Variants in KCNQ1 observed in about 807,000 individuals in gnomAD.
KCNQ1 encodes potassium voltage-gated channel subfamily Q member 1.
In KCNQ1, 49 loss-of-function variants were observed where a neutral mutation model predicts 72.4. That is an observed-to-expected ratio of 0.68 (90% CI 0.54 to 0.86). KCNQ1 has a LOEUF of 0.86. Among genes scored for constraint, KCNQ1 ranks in the 40% least tolerant of loss-of-function variants. The pLI, the probability that KCNQ1 is intolerant of heterozygous loss-of-function variation, is 0.00. For synonymous variants in KCNQ1, 450 were observed against 412.6 expected (o/e 1.09, Z -1.10); for missense variants, 790 against 945.1 (o/e 0.84, Z 2.15).
chr11:2,573,067 G>C (rs1208391616), intron 6 of KCNQ1, 81 bp downstream of exon 6: 3 of 1,514,982 alleles, frequency 2.0e-6, no homozygotes, highest in Admixed American at 1.9e-5. Flanking sequence ...CTGGTGTCTT[G>C]AGACTTCGGG....
At chr11:2,838,851 G>C (rs1001909450) in intron 15 of KCNQ1, among the ~76,000 whole-genome samples, 2 of 152,182 alleles carry the variant, frequency 1.3e-5, no homozygotes, top group African/African-American at 4.8e-5. Context: ...TCGCCAGAGG[G>C]GGCAGCTCAG....
Position 2,468,497 on chromosome 11 carries a change from C to T in KCNQ1, c.386+23013C>T, listed in dbSNP as rs1013555151. ...TACGGTAAACTGCCCCAGTTTAAAG[C>T]AGACAGTTCCATGAGTCCTGACATT... On this transcript the variant is annotated intron_variant, in intron 1 of 15. Coordinates refer to ENST00000155840, the MANE Select transcript of KCNQ1 (RefSeq NM_000218.3). This position sits in a 1 kb window ranked among gnomAD's most constrained non-coding sequence, Gnocchi z 5.7. Among the ~76,000 whole-genome samples the T allele has an allele frequency of 8.5e-5, 13 of 152,138 alleles. No individual in the cohort carries two copies. The highest frequency in any genetic ancestry group is 1.5e-5 in the Non-Finnish European group (1 of 68,026).
In KCNQ1 at chr11:2,735,805, G is replaced by C. The variant is rs1845946808; in HGVS notation, c.1515-33039G>C. On this transcript the variant is annotated intron_variant, in intron 11 of 15. Transcript: ENST00000155840. The surrounding 1 kb of genome is among the most constrained non-coding windows in gnomAD (Gnocchi z 7.7). ...TGTTCTCATGGGGCCATCCCTCTGT[G>C]TGTGCCCGAGTCACCTTCTCCTCTC... is the stretch of plus-strand genomic sequence containing the variant. Among the ~76,000 whole-genome samples the C allele has an allele frequency of 6.6e-6, 1 of 152,178 alleles. No individual in the cohort carries two copies. The highest frequency in any genetic ancestry group is 1.5e-5 in the Non-Finnish European group (1 of 68,038).
chr11:2,733,814 A>ACACACACC, intron 11 of KCNQ1, among the ~76,000 whole-genome samples: 1 of 86,614 alleles, frequency 1.2e-5, no homozygotes, highest in Admixed American at 1.2e-4. Flanking sequence ...ACACACACAC[A>ACACACACC]CTCTCTCACT....
intron 15 of KCNQ1, among the ~76,000 whole-genome samples, chr11:2,805,191 G>A (rs531055696): frequency 5.8e-4 from 89 of 152,296 alleles, no homozygotes; most frequent in Non-Finnish European, 1.3e-4. Context: ...TCTAGAAGAC[G>A]CAGGGGTGGT....
intron 2 of KCNQ1, among the ~76,000 whole-genome samples, chr11:2,530,703 A>G (rs1336711797): frequency 6.6e-6 from 1 of 152,186 alleles, no homozygotes; most frequent in Non-Finnish European, 1.5e-5. Context: ...ATGTGTGTAC[A>G]TGTGTGCACA....
chr11:2,776,132 C>T (rs775736721), intron 13 of KCNQ1, 78 bp downstream of exon 13: 52 of 1,258,036 alleles, frequency 4.1e-5, no homozygotes, highest in East Asian at 5.1e-5. Context: ...TCAGCGGTGC[C>T]GGAGGAGGGA....
intron 11 of KCNQ1, chr11:2,675,031 C>T (rs1477335385): frequency 2.5e-6 from 1 of 398,492 alleles, no homozygotes; most frequent in African/African-American, 2.1e-5. Flanking sequence ...CTGCCAGAGC[C>T]CAGGTGGGGG....
At chr11:2,845,234 G>A (rs536944316) in intron 15 of KCNQ1, among the ~76,000 whole-genome samples, 6 of 152,054 alleles carry the variant, frequency 3.9e-5, no homozygotes, top group East Asian at 1.9e-4. Context: ...CTCTGCTTTC[G>A]CCGGCTCCCT....
intron 1 of KCNQ1, among the ~76,000 whole-genome samples, chr11:2,501,591 C>T (rs188059616): frequency 2.2e-4 from 34 of 151,872 alleles, no homozygotes; most frequent in African/African-American, 7.7e-4. Flanking sequence ...CTAAATTCTG[C>T]CAAAGATTTC....
At chr11:2,795,019 A>T (rs2134014246) in intron 15 of KCNQ1, among the ~76,000 whole-genome samples, 1 of 152,266 alleles carries the variant, frequency 6.6e-6, no homozygotes, top group East Asian at 1.9e-4. Flanking sequence ...CCTGAGTTTG[A>T]TGACTCAGAG....
At chr11:2,835,424 C>T (rs1382077798) in intron 15 of KCNQ1, among the ~76,000 whole-genome samples, 8 of 147,484 alleles carry the variant, frequency 5.4e-5, no homozygotes, top group Non-Finnish European at 1.0e-4. Flanking sequence ...CACACACACA[C>T]ACACGCACAC....
rs900177065 is a variant in KCNQ1, at chr11:2,766,669, C to T, written c.1515-2175C>T. 3.3e-5 allele frequency among the ~76,000 whole-genome samples: 5 copies of T among 152,198 alleles called. No homozygotes were observed. In the South Asian group the frequency reaches 1.0e-3, roughly 31 times the overall value. On this transcript the variant is annotated intron_variant, in intron 11 of 15. Transcript: ENST00000155840. The surrounding 1 kb of genome is among the most constrained non-coding windows in gnomAD (Gnocchi z 4.4). ...CAAAATTCACTCACCCCCCTCCCGA[C>T]GATACCTAAAATTCTCACCCAATTA...
rs1420833195 is a variant in KCNQ1 at position 2,746,896 on chromosome 11, C to A, written c.1515-21948C>A. On this transcript the variant is annotated intron_variant, in intron 11 of 15. Coordinates refer to ENST00000155840, the MANE Select transcript of KCNQ1 (RefSeq NM_000218.3). This position sits in a 1 kb window ranked among gnomAD's most constrained non-coding sequence, Gnocchi z 5.9. ...CACTGGGGACAGATCCAGGAAGGGA[C>A]CTCCTGGGAATGAGGTCTGGCCTCT... Among the ~76,000 whole-genome samples the A allele has an allele frequency of 6.6e-6, 1 of 152,234 alleles. No individual in the cohort carries two copies. Among genetic ancestry groups the A allele is most frequent in the African/African-American group, 2.4e-5 (1 of 41,464 alleles).
chr11:2,530,962 C>T (rs1056113479), intron 2 of KCNQ1, among the ~76,000 whole-genome samples: 3 of 152,168 alleles, frequency 2.0e-5, no homozygotes, highest in Non-Finnish European at 4.4e-5. Flanking sequence ...GCCCCTCGCC[C>T]CCAGGTGGCC....
intron 14 of KCNQ1, 131 bp from the exon 15 acceptor site, chr11:2,777,845 G>A: frequency 1.3e-6 from 1 of 754,430 alleles, no homozygotes; most frequent in Non-Finnish European, 2.3e-6. Flanking sequence ...TTTTAAAAAT[G>A]TCCTAGTAGG....
chr11:2,791,940 G>A (rs1480325694), intron 15 of KCNQ1, among the ~76,000 whole-genome samples: 1 of 152,242 alleles, frequency 6.6e-6, no homozygotes, highest in African/African-American at 2.4e-5. Flanking sequence ...TTTGCCGCGC[G>A]AACAGCCTTT....
In KCNQ1 at chr11:2,642,284, C is replaced by A. The variant is rs980926081; in HGVS notation, c.1394-19677C>A. The A allele has an allele frequency of 1.2e-4, 48 of 398,152 alleles. No individual in the cohort carries two copies. The Admixed American group carries it at 2.1e-3, about 17-fold the overall frequency. 24.7% of individuals were successfully genotyped at this position (398,152 alleles called of 1,614,324 possible). A position where few individuals can be genotyped will look rare whatever the true frequency, so the allele number is the denominator to read the frequency against. ...GTTTTTTGTGTGTTCTTTTCAATTTCTTTCATCAGACTTTTGTAGTTTTCC... is the reference window on the plus strand; with the variant it reads ...GTTTTTTGTGTGTTCTTTTCAATTTATTTCATCAGACTTTTGTAGTTTTCC... On this transcript the variant is annotated intron_variant, in intron 10 of 15. Transcript: ENST00000155840. This position sits in a 1 kb window ranked among gnomAD's most constrained non-coding sequence, Gnocchi z 4.3.
rs564735871 is a variant in KCNQ1, at chr11:2,617,529, C to T, written c.1393+28675C>T. ...TATAATGCCACAATGAATATAGGAG[C>T]GCAGATATCTTTATGAGGTGGAGAT... On this transcript the variant is annotated intron_variant, in intron 10 of 15. Coordinates refer to ENST00000155840, the MANE Select transcript of KCNQ1 (RefSeq NM_000218.3). This position sits in a 1 kb window ranked among gnomAD's most constrained non-coding sequence, Gnocchi z 4.6. 68 of 398,330 alleles carry T rather than the reference C, an allele frequency of 1.7e-4. No homozygotes were observed. The highest frequency in any genetic ancestry group is 8.2e-4 in the African/African-American group (40 of 48,694). 24.7% of individuals were successfully genotyped at this position (398,330 alleles called of 1,614,324 possible). A position where few individuals can be genotyped will look rare whatever the true frequency, so the allele number is the denominator to read the frequency against.
Sources: allele counts gnomAD v4.1 joint callset (sites outside exome capture counted in the v4.1 genomes callset), GRCh38; gene constraint gnomAD v4.1.1; non-coding constraint Gnocchi (gnomAD v3.1); transcripts MANE v1.5; gene names NCBI Gene and HGNC (gene_info 2026-07-23, HGNC 2026-07-21).